The following AKAP1 variants were observed in gnomAD, a reference collection of about 807,000 sequenced individuals.
The protein encoded by AKAP1 is A-kinase anchoring protein 1, also known as A-kinase anchor protein 1, mitochondrial.
A neutral mutation model predicts 79.8 loss-of-function variants in AKAP1; 32 were observed. The ratio of observed to expected loss-of-function variants is 0.40; its 90% confidence interval spans 0.30 to 0.54. AKAP1 has a LOEUF of 0.54. Ranked by LOEUF, AKAP1 falls within the 20% of genes least tolerant of loss-of-function variation. AKAP1 has a pLI of 0.47. For missense variants in AKAP1, 961 were observed against 1,138.9 expected, an observed-to-expected ratio of 0.84 and a Z score of 2.25; for synonymous variants, 416 against 466.7, an observed-to-expected ratio of 0.89 and a Z score of 1.40.
At chr17:57,090,699 A>G (rs1809996873) in intron 1 of AKAP1, among the ~76,000 whole-genome samples, 1 of 152,194 alleles carries the variant, frequency 6.6e-6, no homozygotes, top group Non-Finnish European at 1.5e-5. Context: ...ACTGAAGTAC[A>G]GGATCCTACT....
chr17:57,101,019 A>G (rs1004310199), intron 1 of AKAP1, among the ~76,000 whole-genome samples: 2 of 152,174 alleles, frequency 1.3e-5, no homozygotes, highest in Non-Finnish European at 2.9e-5. Context: ...ACGAGAGCAA[A>G]ACTCCCGTCT....
At chr17:57,095,670 A>G (rs1914066878) in intron 1 of AKAP1, 1 of 152,012 alleles carries the variant, frequency 6.6e-6, no homozygotes, top group African/African-American at 2.4e-5. Flanking sequence ...GCCATTAGGA[A>G]GATCAGGGTC....
In AKAP1 at chr17:57,116,244, C is replaced by G; in HGVS notation, c.2415C>G (p.Asp805Glu). ...DYGGYKRVKVDVLRQIRSDFV... is the reference protein window; with the variant it reads ...DYGGYKRVKVEVLRQIRSDFV... ...GCGGATATAAGAGGGTGAAAGTAGA[C>G]GTGCTCCGGCAAATCAGGTGAGCGG... is the stretch of plus-strand genomic sequence containing the variant. Residue 805 changes from aspartate to glutamate, a missense_variant, in exon 7 of 11, where the codon GAC becomes GAG. This residue lies in a region of AKAP1 where 629 missense variants were observed against 781.1 expected (regional missense o/e 0.81). Coordinates refer to ENST00000337714, the MANE Select transcript of AKAP1 (RefSeq NM_003488.4). The G allele has an allele frequency of 6.2e-7, 1 of 1,614,140 alleles. No individual in the cohort carries two copies. The highest frequency in any genetic ancestry group is 1.1e-5 in the South Asian group (1 of 91,090).
intron 1 of AKAP1, among the ~76,000 whole-genome samples, chr17:57,090,658 C>G (rs371293458): frequency 1.3e-5 from 2 of 152,234 alleles, no homozygotes; most frequent in East Asian, 1.9e-4. Flanking sequence ...GGAGATATTC[C>G]CTATTACAGA....
intron 1 of AKAP1, chr17:57,098,710 T>C (rs1914278850): frequency 6.6e-6 from 1 of 151,974 alleles, no homozygotes; most frequent in African/African-American, 2.4e-5. Context: ...AAGAAGTCTG[T>C]TTGACTGAGG....
chr17:57,097,193 C>A (rs1201323197), intron 1 of AKAP1, among the ~76,000 whole-genome samples: 1 of 152,046 alleles, frequency 6.6e-6, no homozygotes, highest in Non-Finnish European at 1.5e-5. Flanking sequence ...TATGTCCTGT[C>A]CCCCTCCCTA....
chr17:57,086,892 TGAA>T lies in AKAP1; in HGVS notation c.-25+1499_-25+1501del. ...TTAAAGGTACAGAACATCTTTGAAA[TGAA>T]GAAGGCTGCCTGACTTGATCATTTA... On this transcript the variant is annotated intron_variant, in intron 1 of 10. Coordinates refer to ENST00000337714, the MANE Select transcript of AKAP1 (RefSeq NM_003488.4). This position sits in a 1 kb window ranked among gnomAD's most constrained non-coding sequence, Gnocchi z 5.1. Among the ~76,000 whole-genome samples the T allele has an allele frequency of 6.6e-6, 1 of 152,012 alleles. No homozygotes were observed.
At chr17:57,103,227 A>C (rs1293904633) in intron 1 of AKAP1, among the ~76,000 whole-genome samples, 4 of 152,260 alleles carry the variant, frequency 2.6e-5, no homozygotes, top group African/African-American at 9.6e-5. Flanking sequence ...TTCAAATATC[A>C]GCAAGAAAGT....
At chr17:57,092,756 G>A (rs1251638542) in intron 1 of AKAP1, 3 of 152,210 alleles carry the variant, frequency 2.0e-5, no homozygotes, top group African/African-American at 7.2e-5. Flanking sequence ...CCCCTCTGGA[G>A]AAAGTTTGGT....
At chr17:57,104,842 G>A (rs981928051) in intron 1 of AKAP1, among the ~76,000 whole-genome samples, 13 of 152,242 alleles carry the variant, frequency 8.5e-5, no homozygotes, top group African/African-American at 3.1e-4. Flanking sequence ...TTCCAAGTCT[G>A]ACCTGGACCT....
chr17:57,113,644 C>G (rs1915398325), intron 5 of AKAP1, among the ~76,000 whole-genome samples: 1 of 140,958 alleles, frequency 7.1e-6, no homozygotes, highest in African/African-American at 2.7e-5. Context: ...ACTCTGTTGC[C>G]CAGTCTGGAG....
At position 57,121,279 on chromosome 17, in the gene AKAP1, A is replaced by G. The variant is rs1915905142; in HGVS notation, c.*955A>G. ...AGTGGTGTGTTTGATTCTTTTTTAGACTGGCTTCAGCATTGTGCAGTTTAA... is the reference window on the plus strand; with the variant it reads ...AGTGGTGTGTTTGATTCTTTTTTAGGCTGGCTTCAGCATTGTGCAGTTTAA... On this transcript the variant is annotated 3_prime_UTR_variant, in exon 11 of 11. Coordinates refer to ENST00000337714, the MANE Select transcript of AKAP1 (RefSeq NM_003488.4). 1 of 151,516 alleles carries G rather than the reference A, an allele frequency of 6.6e-6. No homozygotes were observed. The highest frequency in any genetic ancestry group is 2.4e-5 in the African/African-American group (1 of 41,010). 9.4% of individuals were successfully genotyped at this position (151,516 alleles called of 1,614,324 possible).
At chr17:57,098,837 C>CT (rs1381188535) in intron 1 of AKAP1, among the ~76,000 whole-genome samples, 1 of 150,056 alleles carries the variant, frequency 6.7e-6, no homozygotes, top group Non-Finnish European at 1.5e-5. Context: ...TCTCAGCTCA[C>CT]TGCAAGCTCC....
chr17:57,087,103 C>T (rs922552995), intron 1 of AKAP1, among the ~76,000 whole-genome samples: 1 of 152,118 alleles, frequency 6.6e-6, no homozygotes, highest in Admixed American at 6.5e-5. Flanking sequence ...GAAATATGGC[C>T]CTAGGTTAGA....
At chr17:57,102,064 T>C (rs1270065464) in intron 1 of AKAP1, among the ~76,000 whole-genome samples, 1 of 152,218 alleles carries the variant, frequency 6.6e-6, no homozygotes, top group Non-Finnish European at 1.5e-5. Flanking sequence ...TTTCAAATGA[T>C]GCCTCAGCCT....
chr17:57,102,356 A>G (rs1914568904), intron 1 of AKAP1, among the ~76,000 whole-genome samples: 1 of 152,182 alleles, frequency 6.6e-6, no homozygotes, highest in Admixed American at 6.5e-5. Context: ...GAAAGGTAGT[A>G]CAGACTTCCC....
Position 57,114,652 on chromosome 17 carries a change from A to C in AKAP1, c.2281+16A>C. ...CCAGTGGAAAGTAAGCAGTGCCCTG[A>C]GGGGTCGGGAAGGGGGACCCCTGGG... On this transcript the variant is annotated intron_variant, in intron 6 of 10. Transcript: ENST00000337714. 1.2e-6 allele frequency: 2 copies of C among 1,607,926 alleles called. No homozygotes were observed. The highest frequency in any genetic ancestry group is 1.1e-5 in the South Asian group (1 of 90,134).
intron 1 of AKAP1, among the ~76,000 whole-genome samples, chr17:57,100,819 T>A (rs892744272): frequency 1.8e-4 from 27 of 152,080 alleles, no homozygotes; most frequent in Non-Finnish European, 2.1e-4. Flanking sequence ...TCTTTTTTTT[T>A]AAATTATTTT....
At chr17:57,120,190 G>T (rs894029429) in intron 10 of AKAP1, 60 bp from the exon 11 acceptor site, 10 of 1,529,796 alleles carry the variant, frequency 6.5e-6, no homozygotes, top group Admixed American at 1.8e-5. Flanking sequence ...ACTCATGTTG[G>T]CTAGGGAGAT....
Sources: allele counts gnomAD v4.1 joint callset (sites outside exome capture counted in the v4.1 genomes callset), GRCh38; gene constraint gnomAD v4.1.1; regional missense constraint gnomAD v4.1.1; non-coding constraint Gnocchi (gnomAD v3.1); transcripts MANE v1.5; gene names NCBI Gene and HGNC (gene_info 2026-07-23, HGNC 2026-07-21).